BFAR: variants seen among roughly 807,000 people sequenced by gnomAD.
The protein encoded by BFAR is RING finger protein 47.
In BFAR, 52 loss-of-function variants were observed where a neutral mutation model predicts 54.4. That is an observed-to-expected ratio of 0.96 (90% CI 0.77 to 1.21). The LOEUF is 1.21. BFAR is among the 50% of genes most tolerant of loss of function. The probability of loss-of-function intolerance (pLI) is 0.00; values close to 1 mark genes in which losing one functional copy is unlikely to be tolerated. For missense variants in BFAR, 571 were observed against 534.0 expected (o/e 1.07, Z -0.68); for synonymous variants, 215 against 204.3 (o/e 1.05, Z -0.45).
chr16:14,647,127 C>T (rs1959819867), intron 2 of BFAR, among the ~76,000 whole-genome samples: 1 of 151,824 alleles, frequency 6.6e-6, no homozygotes, highest in African/African-American at 2.4e-5. Flanking sequence ...CTCTGTTGCC[C>T]AGGCTGGAGT....
intron 2 of BFAR, among the ~76,000 whole-genome samples, chr16:14,647,817 G>T (rs1215594733): frequency 2.0e-5 from 3 of 152,120 alleles, no homozygotes; most frequent in Non-Finnish European, 4.4e-5. Context: ...CACATTTAGT[G>T]ATCCAGCAAA....
chr16:14,662,008 C>T lies in BFAR; in HGVS notation c.900C>T (p.His300=). Residue 300 remains histidine, a synonymous_variant, in exon 6 of 8, where the codon CAC becomes CAT. Transcript: ENST00000261658. ...CCGACACCTTCCTACCTTTCATCCA[C>T]ACCATCTGCCCTCTGCAAGAAGACA... ...DYTDTFLPFI[H]TICPLQEDSS... is the part of the protein sequence containing the mutation. 5 of 1,614,226 alleles carry T rather than the reference C, an allele frequency of 3.1e-6. No individual in the cohort carries two copies. The highest frequency in any genetic ancestry group is 1.1e-5 in the South Asian group (1 of 91,084).
intron 1 of BFAR, among the ~76,000 whole-genome samples, chr16:14,636,774 A>G (rs901385896): frequency 6.6e-6 from 1 of 152,240 alleles, no homozygotes; most frequent in African/African-American, 2.4e-5. Context: ...ACCTTAGACA[A>G]TACCTGGCTT....
At chr16:14,660,898 C>G (rs1960270397) in intron 5 of BFAR, among the ~76,000 whole-genome samples, 2 of 151,488 alleles carry the variant, frequency 1.3e-5, no homozygotes, top group Non-Finnish European at 2.9e-5. Context: ...AAGACTCTGT[C>G]TCAAAAAAAT....
rs781356654 is a variant in BFAR at position 14,664,970 on chromosome 16, G to A, written c.1059G>A (p.Glu353=). The A allele has an allele frequency of 1.9e-6, 3 of 1,613,416 alleles. No homozygotes were observed. Among genetic ancestry groups the A allele is most frequent in the Non-Finnish European group, 2.5e-6 (3 of 1,179,368 alleles). Residue 353 remains glutamate, a synonymous_variant, in exon 7 of 8, where the codon GAG becomes GAA. Coordinates refer to ENST00000261658, the MANE Select transcript of BFAR (RefSeq NM_016561.3). ...LIAEFAWDWL[E]VHYWTSRFLI... ...CTGAGTTTGCTTGGGACTGGTTGGA[G>A]GTCCATTACTGGACATCACGGTTTC... is the stretch of plus-strand genomic sequence containing the variant.
chr16:14,636,997 A>T (rs1000199007), intron 1 of BFAR, among the ~76,000 whole-genome samples: 3 of 152,240 alleles, frequency 2.0e-5, no homozygotes, highest in African/African-American at 7.2e-5. Context: ...GATTAACAGC[A>T]TCTCAAGGCA....
rs1960418062 is a variant in BFAR, at chr16:14,665,517, C to CAAGACAACA, written c.1160+446_1160+447insAAGACAACA. Among the ~76,000 whole-genome samples, 22 of 152,262 alleles carry CAAGACAACA rather than the reference C, an allele frequency of 1.4e-4. No homozygotes were observed. The South Asian group carries it at 4.6e-3, about 32-fold the overall frequency. ...TAATAAGGCCTTGCCAACAGAAGCC[C>CAAGACAACA]TGTCTGTGTCTTGGATGGTAGCGAG... On this transcript the variant is annotated intron_variant, in intron 7 of 7. Coordinates refer to ENST00000261658, the MANE Select transcript of BFAR (RefSeq NM_016561.3).
chr16:14,651,668 CAG>C (rs1959971238), intron 4 of BFAR, among the ~76,000 whole-genome samples: 1 of 151,568 alleles, frequency 6.6e-6, no homozygotes, highest in Non-Finnish European at 1.5e-5. Flanking sequence ...TTAATAGAGA[CAG>C]GGTTTTGCCA....
intron 6 of BFAR, among the ~76,000 whole-genome samples, chr16:14,662,437 A>C (rs913202918): frequency 2.0e-5 from 3 of 152,246 alleles, no homozygotes; most frequent in East Asian, 3.9e-4. Context: ...GCTCCCTTGC[A>C]CATTCCTCCC....
At chr16:14,640,465 G>GT (rs201428172) in intron 1 of BFAR, among the ~76,000 whole-genome samples, 65 of 151,748 alleles carry the variant, frequency 4.3e-4, no homozygotes, top group East Asian at 1.2e-3. Context: ...TTTTGTTTTT[G>GT]TTTTTTTTCA....
rs781157966 is a variant in BFAR, at chr16:14,667,764, C to T, written c.1290C>T (p.Asn430=). ...NCLFYWALYF[N]PIINIDLVVK... ...TGTTTTACTGGGCCCTGTACTTTAA[C>T]CCAATTATTAACATTGATCTTGTGG... Residue 430 remains asparagine, a synonymous_variant, in exon 8 of 8, where the codon AAC becomes AAT. Coordinates refer to ENST00000261658, the MANE Select transcript of BFAR (RefSeq NM_016561.3). 4.3e-6 allele frequency: 7 copies of T among 1,614,132 alleles called. No homozygotes were observed. The highest frequency in any genetic ancestry group is 5.9e-6 in the Non-Finnish European group (7 of 1,180,028).
intron 7 of BFAR, 81 bp from the exon 8 acceptor site, chr16:14,667,554 C>G (rs2151846330): frequency 2.9e-6 from 4 of 1,357,678 alleles, no homozygotes; most frequent in East Asian, 2.3e-5. Flanking sequence ...TTCCCAGCAC[C>G]CAGAAAAGGC....
chr16:14,662,356 C>T (rs1208438609), intron 6 of BFAR, among the ~76,000 whole-genome samples: 3 of 152,110 alleles, frequency 2.0e-5, no homozygotes, highest in Admixed American at 2.0e-4. Context: ...CCCAAAGACC[C>T]TTGTAAACAC....
rs1960499739 is a variant in BFAR at position 14,668,261 on chromosome 16, A to T, written c.*434A>T. The T allele has an allele frequency of 5.8e-6, 1 of 172,634 alleles. No individual in the cohort carries two copies. The highest frequency in any genetic ancestry group is 2.4e-5 in the African/African-American group (1 of 42,282). 10.7% of individuals were successfully genotyped at this position (172,634 alleles called of 1,614,324 possible). A position where few individuals can be genotyped will look rare whatever the true frequency, so the allele number is the denominator to read the frequency against. On this transcript the variant is annotated 3_prime_UTR_variant, in exon 8 of 8. Coordinates refer to ENST00000261658, the MANE Select transcript of BFAR (RefSeq NM_016561.3). ...TTATTGGGGCCTGGCCTGTCCTCTA[A>T]GTCAAGTTTAGGAAAACAAGGATAA...
At chr16:14,634,480 G>A (rs1959370854) in intron 1 of BFAR, among the ~76,000 whole-genome samples, 1 of 152,186 alleles carries the variant, frequency 6.6e-6, no homozygotes, top group South Asian at 2.1e-4. Context: ...TGTTAATAAT[G>A]CCGATCAGCC....
At position 14,649,886 on chromosome 16, in the gene BFAR, C is replaced by T. The variant is rs770604558; in HGVS notation, c.551C>T (p.Ala184Val). The T allele has an allele frequency of 1.2e-5, 20 of 1,613,378 alleles. No individual in the cohort carries two copies. The highest frequency in any genetic ancestry group is 6.7e-5 in the Admixed American group (4 of 59,944). Residue 184 changes from alanine (A) to valine (V), a missense_variant, in exon 4 of 8, where the codon GCG becomes GTG. Coordinates refer to ENST00000261658, the MANE Select transcript of BFAR (RefSeq NM_016561.3). ...LVHKAVAKWT[A>V]EEVVLWLEQL... ...CACAAGGCTGTGGCCAAATGGACGG[C>T]GGAAGAAGTTGTCCTCTGGCTGGAG... is the stretch of plus-strand genomic sequence containing the variant.
Position 14,662,035 on chromosome 16 carries a change from C to T in BFAR, c.927C>T (p.Ser309=). The T allele has an allele frequency of 6.2e-7, 1 of 1,614,156 alleles. No individual in the cohort carries two copies. The highest frequency in any genetic ancestry group is 8.5e-7 in the Non-Finnish European group (1 of 1,180,028). The change falls in exon 6 of 8, where the codon AGC becomes AGT. Residue 309 remains serine, a synonymous_variant. Coordinates refer to ENST00000261658, the MANE Select transcript of BFAR (RefSeq NM_016561.3). ...CCATCTGCCCTCTGCAAGAAGACAG[C>T]TCTGGGGAGGACATCGTCACCAAGC... is the stretch of plus-strand genomic sequence containing the variant. The part of the protein sequence containing the change: ...IHTICPLQED[S]SGEDIVTKLL...
chr16:14,635,460 C>T (rs868105139), intron 1 of BFAR, among the ~76,000 whole-genome samples: 17 of 152,114 alleles, frequency 1.1e-4, no homozygotes, highest in African/African-American at 3.9e-4. Flanking sequence ...TTTTTGATAG[C>T]TGAGTTACTG....
At chr16:14,653,527 C>T (rs1159246512) in intron 4 of BFAR, among the ~76,000 whole-genome samples, 2 of 151,872 alleles carry the variant, frequency 1.3e-5, no homozygotes, top group East Asian at 1.9e-4. Context: ...GGTTTCACCA[C>T]GTTGGCCAGG....
Sources: gnomAD v4.1 joint callset for allele counts (sites outside exome capture counted in the v4.1 genomes callset) on GRCh38, gnomAD v4.1.1 for gene constraint, MANE v1.5 for transcripts, NCBI Gene and HGNC (gene_info 2026-07-23, HGNC 2026-07-21) for gene names.